The following CNOT6L variants were observed in gnomAD, a reference collection of about 807,000 sequenced individuals.
CNOT6L encodes the protein CCR4-NOT transcription complex subunit 6 like, also known as CCR4-NOT transcription complex subunit 6-like.
A neutral mutation model predicts 64.0 loss-of-function variants in CNOT6L; 7 were observed. The observed-to-expected ratio is 0.11, with a 90% confidence interval of 0.06 to 0.21. CNOT6L has a LOEUF of 0.21. Among genes scored for constraint, CNOT6L ranks in the 10% least tolerant of loss-of-function variants. The probability of loss-of-function intolerance (pLI) is 1.00; values close to 1 mark genes in which losing one functional copy is unlikely to be tolerated. For missense variants in CNOT6L, 245 were observed against 669.0 expected (o/e 0.37, Z 6.99); for synonymous variants, 193 against 243.4 (o/e 0.79, Z 1.93).
Position 77,819,328 on chromosome 4 carries a change from A to G in CNOT6L, c.-20T>C, listed in dbSNP as rs1330482107. On this transcript the variant is annotated 5_prime_UTR_variant, in exon 1 of 12. Transcript: ENST00000504123. ...CCTCATTCTCTTCCTCTGGCCCAGA[A>G]GCAACAGCAGCCATTTCCCCGCGGC... is the stretch of plus-strand genomic sequence containing the variant. 2 of 1,613,362 alleles carry G rather than the reference A, an allele frequency of 1.2e-6. No homozygotes were observed. Among genetic ancestry groups the G allele is most frequent in the African/African-American group, 1.3e-5 (1 of 74,872 alleles).
rs568038211 is a variant in CNOT6L, at chr4:77,793,922, G to A, written c.6-17530C>T. On this transcript the variant is annotated intron_variant, in intron 1 of 11. Transcript: ENST00000504123. The stretch of plus-strand genomic sequence containing the variant: ...TCCCAGCACTATGGGAAGCTGCGGC[G>A]GGTAGATCAACTGAGGTCAGGGGTT... Among the ~76,000 whole-genome samples the A allele has an allele frequency of 5.3e-5, 8 of 151,920 alleles. No individual in the cohort carries two copies. In the East Asian group the frequency reaches 5.8e-4, roughly 11 times the overall value.
rs1387917158 is a variant in CNOT6L, at chr4:77,724,146, C to T, written c.1455+2021G>A. On this transcript the variant is annotated intron_variant, in intron 11 of 11. Coordinates refer to ENST00000504123, the MANE Select transcript of CNOT6L (RefSeq NM_144571.3). ...CAAAAATTAGCCCAAGACCAGCCTG[C>T]GCAACATGGTGAAACCCTGTCTCTA... is the stretch of plus-strand genomic sequence containing the variant. 3.3e-5 allele frequency among the ~76,000 whole-genome samples: 5 copies of T among 151,178 alleles called. No individual in the cohort carries two copies. The South Asian group carries it at 8.4e-4, about 25-fold the overall frequency.
chr4:77,724,428 C>T (rs1459307006), intron 11 of CNOT6L, among the ~76,000 whole-genome samples: 1 of 151,706 alleles, frequency 6.6e-6, no homozygotes, highest in Non-Finnish European at 1.5e-5. Context: ...GGCCTGAACC[C>T]AGGAGTTTGA....
At chr4:77,765,111 G>A (rs182291515) in intron 4 of CNOT6L, among the ~76,000 whole-genome samples, 2 of 152,232 alleles carry the variant, frequency 1.3e-5, no homozygotes, top group East Asian at 3.9e-4. Context: ...ACCAAAATCA[G>A]GATGGCAGTA....
At position 77,718,528 on chromosome 4, in the gene CNOT6L, T is replaced by G. The variant is rs1456026750; in HGVS notation, c.*1903A>C. ...ACTTTAACATTTTTAAAAGATATTT[T>G]ATTTACATCAAAATTCACTGAACTA... is the stretch of plus-strand genomic sequence containing the variant. On this transcript the variant is annotated 3_prime_UTR_variant, in exon 12 of 12. Transcript: ENST00000504123. 1 of 152,590 alleles carries G rather than the reference T, an allele frequency of 6.6e-6. No individual in the cohort carries two copies. Among genetic ancestry groups the G allele is most frequent in the Non-Finnish European group, 1.5e-5 (1 of 68,010 alleles). 9.5% of individuals were successfully genotyped at this position (152,590 alleles called of 1,614,324 possible). A position where few individuals can be genotyped will look rare whatever the true frequency, so the allele number is the denominator to read the frequency against.
At chr4:77,730,125 G>GA (rs1244899314) in intron 9 of CNOT6L, among the ~76,000 whole-genome samples, 9 of 151,942 alleles carry the variant, frequency 5.9e-5, no homozygotes, top group Non-Finnish European at 1.5e-5. Flanking sequence ...AGCTTTGGGG[G>GA]AAAAGACCTA....
At chr4:77,735,878 C>T (rs1722892950) in intron 8 of CNOT6L, among the ~76,000 whole-genome samples, 1 of 152,118 alleles carries the variant, frequency 6.6e-6, no homozygotes, top group Non-Finnish European at 1.5e-5. Context: ...ATCATAGGTT[C>T]ATTAAACTTT....
At chr4:77,751,439 TC>T (rs1198566688) in intron 5 of CNOT6L, among the ~76,000 whole-genome samples, 13 of 152,228 alleles carry the variant, frequency 8.5e-5, no homozygotes, top group Non-Finnish European at 1.3e-4. Flanking sequence ...TTATCAGAGT[TC>T]CAGAAGGACA....
At chr4:77,785,768 G>A (rs1729366019) in intron 1 of CNOT6L, among the ~76,000 whole-genome samples, 2 of 152,118 alleles carry the variant, frequency 1.3e-5, no homozygotes, top group African/African-American at 4.8e-5. Flanking sequence ...GATTTGGTCT[G>A]CATGCACACG....
chr4:77,802,509 A>G (rs958402622), intron 1 of CNOT6L, among the ~76,000 whole-genome samples: 1 of 152,192 alleles, frequency 6.6e-6, no homozygotes, highest in African/African-American at 2.4e-5. Context: ...CTCATCCCAC[A>G]TGGCTTCTCT....
In CNOT6L at chr4:77,767,019, C is replaced by T. The variant is rs373648606; in HGVS notation, c.400+6062G>A. ...CAGTGGTTGCAGTGAGCCAAGATCG[C>T]GCCACTGCACTCCAGCCTGGGCAAC... On this transcript the variant is annotated intron_variant, in intron 4 of 11. Coordinates refer to ENST00000504123, the MANE Select transcript of CNOT6L (RefSeq NM_144571.3). Among the ~76,000 whole-genome samples the T allele has an allele frequency of 1.6e-4, 22 of 139,498 alleles. No individual in the cohort carries two copies. The South Asian group carries it at 2.3e-3, about 14-fold the overall frequency. 91.5% of individuals were successfully genotyped at this position (139,498 alleles called of 152,430 possible).
Position 77,714,141 on chromosome 4 carries a change from C to G in CNOT6L, c.*6290G>C, listed in dbSNP as rs1232816046. 1 of 152,634 alleles carries G rather than the reference C, an allele frequency of 6.6e-6. No individual in the cohort carries two copies. The highest frequency in any genetic ancestry group is 1.9e-4 in the East Asian group (1 of 5,180). 9.5% of individuals were successfully genotyped at this position (152,634 alleles called of 1,614,324 possible). ...CCTTGCTTGGTTTTACAGTCATGTG[C>G]TTTGCTTTGCAACCATTAGAATTAG... On this transcript the variant is annotated 3_prime_UTR_variant, in exon 12 of 12. Transcript: ENST00000504123.
intron 1 of CNOT6L, among the ~76,000 whole-genome samples, chr4:77,815,182 T>C (rs928353198): frequency 6.6e-6 from 1 of 152,224 alleles, no homozygotes; most frequent in African/African-American, 2.4e-5. Flanking sequence ...TATGAAACTA[T>C]ACCCAGAAAC....
chr4:77,777,386 C>T (rs1189881997), intron 1 of CNOT6L, among the ~76,000 whole-genome samples: 2 of 152,190 alleles, frequency 1.3e-5, no homozygotes, highest in Non-Finnish European at 2.9e-5. Flanking sequence ...GTGCCATCTT[C>T]CTGCTATAAC....
intron 11 of CNOT6L, 36 bp from the exon 12 acceptor site, chr4:77,720,679 T>C (rs1721183870): frequency 6.2e-7 from 1 of 1,603,426 alleles, no homozygotes; most frequent in African/African-American, 1.3e-5. Context: ...AAAAGAAAAA[T>C]TCAAGATATA....
intron 11 of CNOT6L, among the ~76,000 whole-genome samples, chr4:77,725,200 C>T (rs538928673): frequency 2.0e-5 from 3 of 152,210 alleles, no homozygotes; most frequent in Admixed American, 6.5e-5. Context: ...TAACAACACA[C>T]GAATTTCTTT....
Position 77,716,512 on chromosome 4 carries a change from A to G in CNOT6L, c.*3919T>C, listed in dbSNP as rs1269472496. The G allele has an allele frequency of 6.6e-6, 1 of 152,144 alleles. No individual in the cohort carries two copies. The highest frequency in any genetic ancestry group is 6.6e-5 in the Admixed American group (1 of 15,242). 9.4% of individuals were successfully genotyped at this position (152,144 alleles called of 1,614,324 possible). A position where few individuals can be genotyped will look rare whatever the true frequency, so the allele number is the denominator to read the frequency against. Reference sequence around the variant, plus strand: ...TATAGATGGCATTAGTGATTTTTAGAAACGCTTGGAAATGCAAATATAAAC... The same window carrying G: ...TATAGATGGCATTAGTGATTTTTAGGAACGCTTGGAAATGCAAATATAAAC... On this transcript the variant is annotated 3_prime_UTR_variant, in exon 12 of 12. Coordinates refer to ENST00000504123, the MANE Select transcript of CNOT6L (RefSeq NM_144571.3).
chr4:77,782,894 T>C (rs1442283172), intron 1 of CNOT6L, among the ~76,000 whole-genome samples: 2 of 152,122 alleles, frequency 1.3e-5, no homozygotes, highest in African/African-American at 4.8e-5. Context: ...CCTAGCAAAC[T>C]ATACTGCATA....
chr4:77,798,056 T>C (rs1054723390), intron 1 of CNOT6L, among the ~76,000 whole-genome samples: 1 of 152,226 alleles, frequency 6.6e-6, no homozygotes, highest in African/African-American at 2.4e-5. Context: ...CTAGGCATGG[T>C]GGCTCCTGTC....
Sources: gnomAD v4.1 joint callset for allele counts (sites outside exome capture counted in the v4.1 genomes callset) on GRCh38, gnomAD v4.1.1 for gene constraint, MANE v1.5 for transcripts, NCBI Gene and HGNC (gene_info 2026-07-23, HGNC 2026-07-21) for gene names.